Variants in PTBP2 observed in about 807,000 individuals in gnomAD.
PTBP2 encodes the protein polypyrimidine tract binding protein 2.
Under a neutral mutation model 61.4 loss-of-function variants are expected in PTBP2, and 13 were observed. The observed-to-expected ratio is 0.21, with a 90% confidence interval of 0.14 to 0.34. The LOEUF is 0.34. PTBP2 is among the 10% of genes least tolerant of loss of function. PTBP2 has a pLI of 1.00. For synonymous variants in PTBP2, 215 were observed against 218.5 expected, an observed-to-expected ratio of 0.98 and a Z score of 0.14; for missense variants, 405 against 642.6, an observed-to-expected ratio of 0.63 and a Z score of 4.00.
chr1:96,775,041 G>GTTAA (rs1430738444), intron 5 of PTBP2, among the ~76,000 whole-genome samples: 2 of 152,162 alleles, frequency 1.3e-5, no homozygotes, highest in Non-Finnish European at 2.9e-5. Flanking sequence ...CATGGCCAGT[G>GTTAA]TTAAATATCT....
At chr1:96,778,578 A>C (rs1304039727) in intron 7 of PTBP2, among the ~76,000 whole-genome samples, 2 of 151,966 alleles carry the variant, frequency 1.3e-5, no homozygotes, top group Non-Finnish European at 2.9e-5. Flanking sequence ...TATATCTTAA[A>C]TCTACTTTTG....
intron 7 of PTBP2, among the ~76,000 whole-genome samples, chr1:96,783,430 T>A (rs1407184464): frequency 6.6e-6 from 1 of 152,032 alleles, no homozygotes; most frequent in African/African-American, 2.4e-5. Context: ...TTTCTAACAA[T>A]TGGCATATTC....
At chr1:96,820,432 T>G (rs1027476462) in exon 14 of PTBP2, 18 of 152,128 alleles carry the variant, frequency 1.2e-4, no homozygotes, top group African/African-American at 4.1e-4. Flanking sequence ...AATGTGAATT[T>G]CATGTTTACT....
intron 3 of PTBP2, among the ~76,000 whole-genome samples, chr1:96,761,355 TGTGTGTG>T (rs1655840073): frequency 1.0e-5 from 1 of 96,604 alleles, no homozygotes; most frequent in East Asian, 2.7e-4. Context: ...GATGTGTGTG[TGTGTGTG>T]TGTGTGTGTG....
chr1:96,783,404 A>G (rs1658905622), intron 7 of PTBP2, among the ~76,000 whole-genome samples: 1 of 152,042 alleles, frequency 6.6e-6, no homozygotes, highest in Admixed American at 6.6e-5. Context: ...GAAAATTTCA[A>G]AGGGTCCTGG....
At chr1:96,756,305 A>G (rs1228657617) in intron 3 of PTBP2, among the ~76,000 whole-genome samples, 4 of 152,192 alleles carry the variant, frequency 2.6e-5, no homozygotes, top group African/African-American at 9.7e-5. Context: ...AGGCTGAAGC[A>G]GGAGAATTAC....
intron 11 of PTBP2, among the ~76,000 whole-genome samples, chr1:96,811,692 A>G (rs1325671083): frequency 3.3e-5 from 5 of 152,210 alleles, no homozygotes; most frequent in African/African-American, 9.6e-5. Flanking sequence ...TTGGGATTAC[A>G]GGCGTGAGCC....
intron 2 of PTBP2, among the ~76,000 whole-genome samples, chr1:96,747,434 C>G (rs1193758902): frequency 6.6e-6 from 1 of 152,024 alleles, no homozygotes; most frequent in African/African-American, 2.4e-5. Flanking sequence ...CATAAAGATA[C>G]TATATTTTCT....
chr1:96,777,561 A>G lies in PTBP2; in HGVS notation c.433-24A>G, dbSNP rs1208212949. 2.5e-6 allele frequency: 4 copies of G among 1,585,574 alleles called. No homozygotes were observed. In the Admixed American group the frequency reaches 7.2e-5, roughly 29 times the overall value. On this transcript the variant is annotated intron_variant, in intron 5 of 13. Transcript: ENST00000674951. ...ATGTGACAATAATGGGTATGTTTCT[A>G]AACTACATAATCTTAATTTCCAGCG...
intron 8 of PTBP2, among the ~76,000 whole-genome samples, chr1:96,796,306 AG>A (rs1465799878): frequency 6.6e-6 from 1 of 150,896 alleles, no homozygotes; most frequent in Admixed American, 6.6e-5. Flanking sequence ...AAAAAAAAAA[AG>A]AAGTAGGTGC....
intron 2 of PTBP2, among the ~76,000 whole-genome samples, chr1:96,747,163 A>G (rs1235593941): frequency 6.6e-6 from 1 of 151,772 alleles, no homozygotes; most frequent in Non-Finnish European, 1.5e-5. Flanking sequence ...ATGTGGCCAC[A>G]AATTCCCTTT....
chr1:96,780,565 A>G (rs927941954), intron 7 of PTBP2, among the ~76,000 whole-genome samples: 6 of 151,980 alleles, frequency 3.9e-5, no homozygotes, highest in Non-Finnish European at 7.4e-5. Context: ...AATATTTGGC[A>G]CTGTGCACCA....
intron 2 of PTBP2, among the ~76,000 whole-genome samples, chr1:96,727,473 A>C (rs1282289448): frequency 6.6e-6 from 1 of 152,178 alleles, no homozygotes; most frequent in Non-Finnish European, 1.5e-5. Context: ...AGGAACTGCA[A>C]ACTTTTTAAA....
At chr1:96,759,984 A>G (rs978080175) in intron 3 of PTBP2, among the ~76,000 whole-genome samples, 3 of 151,096 alleles carry the variant, frequency 2.0e-5, no homozygotes, top group African/African-American at 7.3e-5. Flanking sequence ...GTGCGGGGAA[A>G]CTCTCCCCTT....
At chr1:96,757,729 TCTGA>T (rs761761233) in intron 3 of PTBP2, among the ~76,000 whole-genome samples, 4 of 152,256 alleles carry the variant, frequency 2.6e-5, no homozygotes, top group South Asian at 2.1e-4. Flanking sequence ...AGCTAATGTA[TCTGA>T]CTGACTATAG....
chr1:96,809,846 TTAAGAA>T (rs1362304259), intron 11 of PTBP2, among the ~76,000 whole-genome samples: 1 of 152,068 alleles, frequency 6.6e-6, no homozygotes. Context: ...AGTTTTAACT[TTAAGAA>T]TAACAGTGTT....
intron 3 of PTBP2, among the ~76,000 whole-genome samples, chr1:96,756,611 C>A (rs997717733): frequency 2.2e-5 from 3 of 139,276 alleles, no homozygotes; most frequent in African/African-American, 1.0e-4. Flanking sequence ...TGTTAATCAG[C>A]ACTAAATGGA....
Position 96,746,767 on chromosome 1 carries a change from T to C in PTBP2, c.40-4658T>C, listed in dbSNP as rs1395745324. On this transcript the variant is annotated intron_variant, in intron 2 of 13. Coordinates refer to ENST00000674951, the MANE Select transcript of PTBP2 (RefSeq NM_021190.4). Reference sequence around the variant, plus strand: ...ATTGTCTTTTGGTTATTTGTGTTGCTGGTGTCTTTTCCCAGTTTGTAGCTT... The same window carrying C: ...ATTGTCTTTTGGTTATTTGTGTTGCCGGTGTCTTTTCCCAGTTTGTAGCTT... Among the ~76,000 whole-genome samples, 3 of 151,790 alleles carry C rather than the reference T, an allele frequency of 2.0e-5. No homozygotes were observed. The East Asian group carries it at 5.8e-4, about 29-fold the overall frequency.
intron 3 of PTBP2, among the ~76,000 whole-genome samples, chr1:96,768,884 T>G (rs1657054912): frequency 6.6e-6 from 1 of 152,008 alleles, no homozygotes; most frequent in Non-Finnish European, 1.5e-5. Flanking sequence ...CATTATCATT[T>G]TTATAAACTT....
Sources: allele counts gnomAD v4.1 joint callset (sites outside exome capture counted in the v4.1 genomes callset), GRCh38; gene constraint gnomAD v4.1.1; transcripts MANE v1.5; gene names NCBI Gene and HGNC (gene_info 2026-07-23, HGNC 2026-07-21).